Variants in PTPRD observed in about 807,000 individuals in gnomAD.
The protein encoded by PTPRD is protein tyrosine phosphatase receptor type D.
Under a neutral mutation model 214.5 loss-of-function variants are expected in PTPRD, and 34 were observed. The ratio of observed to expected loss-of-function variants is 0.16; its 90% CI spans 0.12 to 0.21. The LOEUF (loss-of-function observed/expected upper bound fraction) is 0.21. Among genes scored for constraint, PTPRD ranks in the 10% least tolerant of loss-of-function variants. The pLI, the probability that PTPRD is intolerant of heterozygous loss-of-function variation, is 1.00. For synonymous variants in PTPRD, 1,128 were observed against 845.7 expected, an observed-to-expected ratio of 1.33 and a Z score of -5.79; for missense variants, 2,545 against 2,398.7, an observed-to-expected ratio of 1.06 and a Z score of -1.27.
At chr9:8,497,403 A>C in intron 25 of PTPRD, 135 bp from the exon 26 acceptor site, 1 of 630,686 alleles carries the variant, frequency 1.6e-6, no homozygotes, top group Non-Finnish European at 2.5e-6. Context: ...AAAATTCCAA[A>C]GAATGTGTGA....
chr9:8,582,633 T>A (rs1009153185), intron 14 of PTPRD, among the ~76,000 whole-genome samples: 1 of 152,196 alleles, frequency 6.6e-6, no homozygotes, highest in Non-Finnish European at 1.5e-5. Context: ...ATAAGAAAGA[T>A]GTTCAGCCCT....
chr9:10,093,597 T>C (rs1157804624), intron 3 of PTPRD, among the ~76,000 whole-genome samples: 1 of 151,612 alleles, frequency 6.6e-6, no homozygotes, highest in African/African-American at 2.4e-5. Flanking sequence ...ACTGGGTATA[T>C]ATCCAAAGGA....
chr9:9,091,895 T>C (rs1335145369), intron 10 of PTPRD, among the ~76,000 whole-genome samples: 1 of 152,188 alleles, frequency 6.6e-6, no homozygotes, highest in Admixed American at 6.5e-5. Flanking sequence ...AATAAGACCT[T>C]TGAAAACCTA....
intron 9 of PTPRD, among the ~76,000 whole-genome samples, chr9:9,275,174 A>ATATATGTT (rs1491381199): frequency 1.7e-4 from 5 of 28,964 alleles, no homozygotes; most frequent in Admixed American, 6.8e-4. Flanking sequence ...ACATATATAT[A>ATATATGTT]ATATATATGT....
rs3050068 is a variant in PTPRD at position 9,759,555 on chromosome 9, C to CTTTTTTTTTTTTTTT, written c.-326+7240_-326+7254dup. On this transcript the variant is annotated intron_variant, in intron 6 of 45. Transcript: ENST00000381196. Reference sequence around the variant, plus strand: ...ACATCTTCAAATAGTCAAGGTCTGTCTTTTTTTTTTTTTTTTTTTTGAGAT... The same window carrying CTTTTTTTTTTTTTTT: ...ACATCTTCAAATAGTCAAGGTCTGTCTTTTTTTTTTTTTTTTTTTTTTTTTTTTTTTTTTTGAGAT... Among the ~76,000 whole-genome samples, 414 of 117,794 alleles carry CTTTTTTTTTTTTTTT rather than the reference C, an allele frequency of 3.5e-3. 40 individuals are homozygous for CTTTTTTTTTTTTTTT. In the East Asian group the frequency reaches 0.052, roughly 15 times the overall value. 77.3% of individuals were successfully genotyped at this position (117,794 alleles called of 152,430 possible). A position where few individuals can be genotyped will look rare whatever the true frequency, so the allele number is the denominator to read the frequency against.
At chr9:8,556,551 GTATTT>G (rs767290550) in intron 14 of PTPRD, among the ~76,000 whole-genome samples, 1 of 141,636 alleles carries the variant, frequency 7.1e-6, no homozygotes, top group Admixed American at 6.8e-5. Context: ...ACATACTTGT[GTATTT>G]TATATTTCTT....
At chr9:10,093,364 C>G (rs952329468) in intron 3 of PTPRD, among the ~76,000 whole-genome samples, 1 of 151,350 alleles carries the variant, frequency 6.6e-6, no homozygotes, top group African/African-American at 2.4e-5. Context: ...GATGAATTAT[C>G]AGAGAAATGC....
chr9:10,225,322 C>G (rs764180007), intron 3 of PTPRD, among the ~76,000 whole-genome samples: 2 of 151,948 alleles, frequency 1.3e-5, no homozygotes, highest in Non-Finnish European at 2.9e-5. Flanking sequence ...TTATACAAGT[C>G]TGAAGTGCTA....
At chr9:10,019,268 C>G (rs2096792716) in intron 4 of PTPRD, among the ~76,000 whole-genome samples, 1 of 152,090 alleles carries the variant, frequency 6.6e-6, no homozygotes, top group Admixed American at 6.6e-5. Context: ...ATTAAAAAGT[C>G]AGGAAAAAAC....
chr9:8,884,891 A>G (rs1482275860), intron 11 of PTPRD, among the ~76,000 whole-genome samples: 1 of 152,166 alleles, frequency 6.6e-6, no homozygotes, highest in East Asian at 1.9e-4. Context: ...CATCTGGATT[A>G]TAGAAATATA....
intron 3 of PTPRD, among the ~76,000 whole-genome samples, chr9:10,318,106 G>T (rs2096479810): frequency 6.6e-6 from 1 of 151,932 alleles, no homozygotes; most frequent in Non-Finnish European, 1.5e-5. Flanking sequence ...TATTTTGACA[G>T]AATAGATATC....
intron 7 of PTPRD, among the ~76,000 whole-genome samples, chr9:9,606,446 C>T (rs1592840281): frequency 6.6e-6 from 1 of 152,124 alleles, no homozygotes; most frequent in East Asian, 1.9e-4. Context: ...GGTATTTACT[C>T]TCTTTATCCC....
intron 3 of PTPRD, among the ~76,000 whole-genome samples, chr9:10,251,206 T>C (rs942201556): frequency 6.6e-6 from 1 of 152,162 alleles, no homozygotes; most frequent in African/African-American, 2.4e-5. Context: ...ACAACCCTTA[T>C]GTGACCAGCA....
At position 8,362,508 on chromosome 9, in the gene PTPRD, T is replaced by C. The variant is rs1018952866; in HGVS notation, c.4661+13428A>G. ...GTTTTTCAAATCTAAGTAGCAAGCA[T>C]GAGTCCAGACTGAGAAAGCCTCTGC... On this transcript the variant is annotated intron_variant, in intron 39 of 45. Coordinates refer to ENST00000381196, the MANE Select transcript of PTPRD (RefSeq NM_002839.4). 1.1e-4 allele frequency among the ~76,000 whole-genome samples: 17 copies of C among 152,346 alleles called. No homozygotes were observed. The East Asian group carries it at 3.3e-3, about 29-fold the overall frequency.
At chr9:8,995,007 A>G (rs915295195) in intron 11 of PTPRD, among the ~76,000 whole-genome samples, 8 of 152,086 alleles carry the variant, frequency 5.3e-5, no homozygotes, top group African/African-American at 1.9e-4. Flanking sequence ...GAAGCAAGTA[A>G]AAGACATAAG....
intron 35 of PTPRD, among the ~76,000 whole-genome samples, chr9:8,428,953 A>G (rs2094870893): frequency 6.6e-6 from 1 of 152,208 alleles, no homozygotes; most frequent in African/African-American, 2.4e-5. Flanking sequence ...TTTTGTGGTC[A>G]TTGCTTAGAT....
chr9:8,607,580 T>G (rs935886358), intron 14 of PTPRD, among the ~76,000 whole-genome samples: 2 of 152,018 alleles, frequency 1.3e-5, no homozygotes, highest in African/African-American at 4.8e-5. Context: ...GAGGGAGAAG[T>G]TGCACTGAGC....
chr9:8,896,303 A>G (rs1204443613), intron 11 of PTPRD, among the ~76,000 whole-genome samples: 1 of 152,236 alleles, frequency 6.6e-6, no homozygotes, highest in Non-Finnish European at 1.5e-5. Flanking sequence ...TTGGTTATGG[A>G]CATGATTTCC....
intron 10 of PTPRD, among the ~76,000 whole-genome samples, chr9:9,020,926 C>T (rs2099567545): frequency 6.6e-6 from 1 of 152,056 alleles, no homozygotes; most frequent in South Asian, 2.1e-4. Context: ...GTTCTAGGGG[C>T]CAGAAGCTAA....
Sources: allele counts gnomAD v4.1 joint callset (sites outside exome capture counted in the v4.1 genomes callset), GRCh38; gene constraint gnomAD v4.1.1; transcripts MANE v1.5; gene names NCBI Gene and HGNC (gene_info 2026-07-23, HGNC 2026-07-21).